The following MPP7 variants were observed in gnomAD, a reference collection of about 807,000 sequenced individuals.
The protein encoded by MPP7 is MAGUK p55 scaffold protein 7.
MPP7 carries 60 observed loss-of-function variants against 76.5 expected under a neutral mutation model. That is an observed-to-expected ratio of 0.78 (90% confidence interval 0.64 to 0.97). MPP7 has a LOEUF of 0.97. Ranked by LOEUF, MPP7 falls within the 50% of genes least tolerant of loss-of-function variation. The probability of loss-of-function intolerance (pLI) is 0.00; values close to 1 mark genes in which losing one functional copy is unlikely to be tolerated. For missense variants in MPP7, 641 were observed against 694.0 expected (o/e 0.92, Z 0.86); for synonymous variants, 237 against 244.5 (o/e 0.97, Z 0.29).
intron 15 of MPP7, among the ~76,000 whole-genome samples, chr10:28,057,196 C>T (rs1588705298): frequency 6.6e-6 from 1 of 152,238 alleles, no homozygotes; most frequent in Non-Finnish European, 1.5e-5. Context: ...GGACCTGGGA[C>T]ACCAGCAGAG....
At chr10:28,059,029 T>C (rs1851673941) in intron 14 of MPP7, among the ~76,000 whole-genome samples, 1 of 152,220 alleles carries the variant, frequency 6.6e-6, no homozygotes, top group Non-Finnish European at 1.5e-5. Context: ...GTCGATCATG[T>C]GCTATAAAAA....
intron 2 of MPP7, among the ~76,000 whole-genome samples, chr10:28,312,357 T>C (rs1262718857): frequency 6.6e-6 from 1 of 152,200 alleles, no homozygotes; most frequent in African/African-American, 2.4e-5. Context: ...AGAGCACTGA[T>C]TCGTGCATTT....
intron 11 of MPP7, among the ~76,000 whole-genome samples, chr10:28,102,976 C>T (rs1853896565): frequency 6.6e-6 from 1 of 152,214 alleles, no homozygotes; most frequent in Non-Finnish European, 1.5e-5. Context: ...CAAAGTTCCT[C>T]CTCCCACAAA....
chr10:28,186,379 A>C (rs1487214719), intron 3 of MPP7, among the ~76,000 whole-genome samples: 1 of 151,788 alleles, frequency 6.6e-6, no homozygotes, highest in Non-Finnish European at 1.5e-5. Context: ...AGAGAGAGAG[A>C]GAGAAAACAG....
chr10:28,192,045 A>AC (rs1423406293), intron 3 of MPP7, among the ~76,000 whole-genome samples: 33 of 151,876 alleles, frequency 2.2e-4, no homozygotes, highest in Admixed American at 6.6e-4. Flanking sequence ...AATCGCTTGA[A>AC]CCCCAGAGGC....
intron 2 of MPP7, 138 bp downstream of exon 2, chr10:28,238,430 G>A (rs1044228570): frequency 3.5e-6 from 3 of 858,320 alleles, no homozygotes; most frequent in East Asian, 2.6e-5. Flanking sequence ...GCATCCCTGA[G>A]TTGATCTTAT....
intron 12 of MPP7, among the ~76,000 whole-genome samples, chr10:28,087,026 C>T (rs191426995): frequency 3.9e-4 from 60 of 152,258 alleles, no homozygotes; most frequent in Admixed American, 1.4e-3. Flanking sequence ...GAAATTTGAT[C>T]CCAGCATTGG....
At chr10:28,157,242 G>A (rs1385536044) in intron 3 of MPP7, among the ~76,000 whole-genome samples, 1 of 152,030 alleles carries the variant, frequency 6.6e-6, no homozygotes, top group African/African-American at 2.4e-5. Context: ...AAAAGGAAAA[G>A]AAAAAGAGTA....
chr10:28,160,075 T>C (rs1836207134), intron 3 of MPP7, among the ~76,000 whole-genome samples: 1 of 150,656 alleles, frequency 6.6e-6, no homozygotes, highest in Non-Finnish European at 1.5e-5. Context: ...ATACAGTTTG[T>C]TGTTGGTTTT....
At chr10:28,180,064 C>T (rs898453824) in intron 3 of MPP7, among the ~76,000 whole-genome samples, 1 of 152,070 alleles carries the variant, frequency 6.6e-6, no homozygotes, top group Non-Finnish European at 1.5e-5. Flanking sequence ...CCATTTGATA[C>T]ACTCAAGCCT....
intron 3 of MPP7, among the ~76,000 whole-genome samples, chr10:28,190,601 T>C (rs1837381846): frequency 6.6e-6 from 1 of 152,180 alleles, no homozygotes; most frequent in Non-Finnish European, 1.5e-5. Context: ...TTCTCAAGAA[T>C]ATTTTAAATT....
At chr10:28,214,493 C>T (rs1339697775) in intron 2 of MPP7, among the ~76,000 whole-genome samples, 2 of 152,340 alleles carry the variant, frequency 1.3e-5, no homozygotes, top group African/African-American at 4.8e-5. Flanking sequence ...CCCCTCCACA[C>T]TTCAAAACTC....
At position 28,120,288 on chromosome 10, in the gene MPP7, T is replaced by A; in HGVS notation, c.793A>T (p.Met265Leu). Residue 265 changes from methionine to leucine, a missense_variant, in exon 10 of 17, where the codon ATG becomes TTG. Coordinates refer to ENST00000683449, the MANE Select transcript of MPP7 (RefSeq NM_001318170.2). Reference protein sequence around the residue: ...SFKKGDILQIMSQDDATWWQA... With the variant: ...SFKKGDILQILSQDDATWWQA... ...CACCAAGTTGCATCATCTTGGCTCA[T>A]AATCTGAAGAATATCTCCCTTTTTG... The A allele has an allele frequency of 6.2e-7, 1 of 1,614,092 alleles. No individual in the cohort carries two copies. Among genetic ancestry groups the A allele is most frequent in the Non-Finnish European group, 8.5e-7 (1 of 1,179,966 alleles).
At chr10:28,210,388 TATA>T (rs1838093120) in intron 2 of MPP7, among the ~76,000 whole-genome samples, 1 of 152,210 alleles carries the variant, frequency 6.6e-6, no homozygotes, top group Admixed American at 6.5e-5. Context: ...GGATGTATAT[TATA>T]ATATCTCCTA....
At chr10:28,332,728 CAT>C (rs1834482938) in intron 1 of MPP7, among the ~76,000 whole-genome samples, 1 of 152,160 alleles carries the variant, frequency 6.6e-6, no homozygotes, top group Non-Finnish European at 1.5e-5. Context: ...GTGGCACAAT[CAT>C]AGTTCACTAC....
intron 2 of MPP7, among the ~76,000 whole-genome samples, chr10:28,222,039 C>A (rs898452894): frequency 6.6e-6 from 1 of 151,936 alleles, no homozygotes; most frequent in Non-Finnish European, 1.5e-5. Flanking sequence ...GTTTGAAGGA[C>A]AAAAAAGTTC....
intron 11 of MPP7, chr10:28,118,328 A>G (rs1834722922): frequency 1.0e-6 from 1 of 976,968 alleles, no homozygotes; most frequent in South Asian, 4.7e-5. Flanking sequence ...TCAATCAATG[A>G]AAATTTATAA....
chr10:28,056,456 G>T, intron 16 of MPP7, 24 bp downstream of exon 16: 1 of 1,601,054 alleles, frequency 6.2e-7, no homozygotes, highest in African/African-American at 1.4e-5. Context: ...ACCACACCTG[G>T]CCCCCAAGCA....
intron 1 of MPP7, among the ~76,000 whole-genome samples, chr10:28,281,344 C>G (rs1840666725): frequency 6.6e-6 from 1 of 152,116 alleles, no homozygotes; most frequent in African/African-American, 2.4e-5. Flanking sequence ...CCACCTCGGC[C>G]TCCCAAAGTG....
Sources: allele counts gnomAD v4.1 joint callset (sites outside exome capture counted in the v4.1 genomes callset), GRCh38; gene constraint gnomAD v4.1.1; transcripts MANE v1.5; gene names NCBI Gene and HGNC (gene_info 2026-07-23, HGNC 2026-07-21).